ARHGAP6: variants seen among roughly 807,000 people sequenced by gnomAD.
ARHGAP6 encodes the protein rho GTPase-activating protein 6.
Under a neutral mutation model 55.7 loss-of-function variants are expected in ARHGAP6, and 16 were observed. That is an observed-to-expected ratio of 0.29 (90% CI 0.19 to 0.44). The LOEUF (loss-of-function observed/expected upper bound fraction) is 0.44, where lower values mean the gene tolerates loss of function less well. ARHGAP6 is among the 20% of genes least tolerant of loss of function. The pLI is 1.00. For missense variants in ARHGAP6, 698 were observed against 808.9 expected (o/e 0.86, Z 1.66); for synonymous variants, 382 against 360.9 (o/e 1.06, Z -0.66).
chrX:11,338,587 T>C (rs958332737), intron 1 of ARHGAP6, among the ~76,000 whole-genome samples: 3 of 111,664 alleles, frequency 2.7e-5, no homozygotes, highest in Non-Finnish European at 5.6e-5. Context: ...AATAATGAAG[T>C]CCCGAACTGA....
At chrX:11,154,056 A>G (rs1252188815) in intron 10 of ARHGAP6, among the ~76,000 whole-genome samples, 1 of 109,941 alleles carries the variant, frequency 9.1e-6, no homozygotes, top group Non-Finnish European at 1.9e-5. Context: ...GAGTGAGAAC[A>G]TGCGGTGTTT....
intron 1 of ARHGAP6, among the ~76,000 whole-genome samples, chrX:11,287,973 C>T (rs1404474144): frequency 8.9e-6 from 1 of 112,567 alleles, no homozygotes; most frequent in Non-Finnish European, 1.9e-5. Flanking sequence ...TGGGCCACTT[C>T]CATGCTGGTG....
At chrX:11,285,164 G>GTTTT (rs112532582) in intron 1 of ARHGAP6, among the ~76,000 whole-genome samples, 1 of 87,819 alleles carries the variant, frequency 1.1e-5, no homozygotes. Flanking sequence ...CACACAGATT[G>GTTTT]TTTTTTTTTT....
chrX:11,316,636 T>C (rs1306417912), intron 1 of ARHGAP6, among the ~76,000 whole-genome samples: 2 of 112,538 alleles, frequency 1.8e-5, no homozygotes, highest in Non-Finnish European at 3.7e-5. Context: ...AACCATGTTG[T>C]ACAATAGATC....
chrX:11,238,162 A>C (rs1295238692), intron 2 of ARHGAP6, among the ~76,000 whole-genome samples: 1 of 112,675 alleles, frequency 8.9e-6, no homozygotes, highest in African/African-American at 3.2e-5. Context: ...ACAATGCTCA[A>C]GTTATACTTT....
rs781622601 is a variant in ARHGAP6 at position 11,280,604 on chromosome X, G to C, written c.589-25897C>G. Among the ~76,000 whole-genome samples the C allele has an allele frequency of 7.3e-5, 8 of 109,779 alleles. No homozygotes were observed. In the East Asian group the frequency reaches 1.7e-3, roughly 24 times the overall value. ...TTAAAAGTCAAAATATTTAGGCCAG[G>C]CATGGTGGCTCACATCTGGAATCCC... is the stretch of plus-strand genomic sequence containing the variant. On this transcript the variant is annotated intron_variant, in intron 1 of 12. Transcript: ENST00000337414.
intron 1 of ARHGAP6, among the ~76,000 whole-genome samples, chrX:11,415,002 G>T (rs976151933): frequency 1.8e-5 from 2 of 111,543 alleles, no homozygotes; most frequent in Admixed American, 1.9e-4. Context: ...CTTCAAAACT[G>T]CTAAGACAAT....
At chrX:11,572,766 T>C (rs1305329355) in intron 1 of ARHGAP6, among the ~76,000 whole-genome samples, 1 of 111,927 alleles carries the variant, frequency 8.9e-6, no homozygotes, top group Non-Finnish European at 1.9e-5. Flanking sequence ...ATCGCCACAC[T>C]GACTTCCACA....
chrX:11,342,465 T>A (rs2048718991), intron 1 of ARHGAP6, among the ~76,000 whole-genome samples: 1 of 112,387 alleles, frequency 8.9e-6, no homozygotes, highest in Non-Finnish European at 1.9e-5. Context: ...TAAATGGGAC[T>A]GAAATATATA....
At chrX:11,462,860 T>C (rs1288345570) in intron 1 of ARHGAP6, among the ~76,000 whole-genome samples, 1 of 112,666 alleles carries the variant, frequency 8.9e-6, no homozygotes, top group African/African-American at 3.2e-5. Flanking sequence ...TTTGCTAGAC[T>C]GTCACAGGCG....
At chrX:11,389,812 T>C (rs1419850678) in intron 1 of ARHGAP6, among the ~76,000 whole-genome samples, 1 of 111,471 alleles carries the variant, frequency 9.0e-6, no homozygotes, top group Non-Finnish European at 1.9e-5. Flanking sequence ...AGAAATAATA[T>C]CACCCCCAAA....
chrX:11,481,427 G>A (rs1603227253), intron 1 of ARHGAP6, among the ~76,000 whole-genome samples: 2 of 112,969 alleles, frequency 1.8e-5, no homozygotes, highest in Middle Eastern at 9.2e-3. Flanking sequence ...TAGCAGCAAT[G>A]CTGAAAGTGC....
intron 1 of ARHGAP6, among the ~76,000 whole-genome samples, chrX:11,260,261 G>C (rs896519150): frequency 8.9e-6 from 1 of 111,784 alleles, no homozygotes; most frequent in African/African-American, 3.2e-5. Context: ...ACTTATGTAA[G>C]TTTGTGTTGT....
intron 1 of ARHGAP6, among the ~76,000 whole-genome samples, chrX:11,496,957 T>G (rs1348338042): frequency 8.9e-6 from 1 of 112,050 alleles, no homozygotes; most frequent in Non-Finnish European, 1.9e-5. Context: ...GCCCTACAAG[T>G]TGTGGTGACT....
intron 1 of ARHGAP6, among the ~76,000 whole-genome samples, chrX:11,331,130 T>G (rs2048558421): frequency 9.0e-6 from 1 of 111,540 alleles, no homozygotes; most frequent in South Asian, 3.8e-4. Flanking sequence ...CTAAAAATAT[T>G]CTACGTAAAA....
chrX:11,186,753 G>GA (rs1048643120), intron 4 of ARHGAP6, among the ~76,000 whole-genome samples: 5 of 111,331 alleles, frequency 4.5e-5, no homozygotes, highest in Admixed American at 2.9e-4. Flanking sequence ...CTTGAAACAA[G>GA]AAAAAAATTA....
rs192456339 is a variant in ARHGAP6 at position 11,478,450 on chromosome X, C to A, written c.588+185791G>T. Among the ~76,000 whole-genome samples, 82 of 111,882 alleles carry A rather than the reference C, an allele frequency of 7.3e-4. 1 individual carries two copies. Among genetic ancestry groups the A allele is most frequent in the Non-Finnish European group, 7.3e-4 (39 of 53,079 alleles). Reference sequence around the variant, plus strand: ...ACACATTAACTCATACAGTATTATTCCATTTATATGGATTTCAAAAACAGG... The same window carrying A: ...ACACATTAACTCATACAGTATTATTACATTTATATGGATTTCAAAAACAGG... On this transcript the variant is annotated intron_variant, in intron 1 of 12. Coordinates refer to ENST00000337414, the MANE Select transcript of ARHGAP6 (RefSeq NM_013427.3).
chrX:11,255,157 C>T (rs1453838592), intron 1 of ARHGAP6, among the ~76,000 whole-genome samples: 2 of 111,498 alleles, frequency 1.8e-5, no homozygotes, highest in East Asian at 2.8e-4. Flanking sequence ...AAATAAAAAT[C>T]GTACATATTC....
At chrX:11,342,216 T>A (rs1222172641) in intron 1 of ARHGAP6, among the ~76,000 whole-genome samples, 1 of 112,143 alleles carries the variant, frequency 8.9e-6, no homozygotes, top group Non-Finnish European at 1.9e-5. Flanking sequence ...TAGATTTTCT[T>A]AGCAGCTTAA....
Sources: gnomAD v4.1 joint callset for allele counts (sites outside exome capture counted in the v4.1 genomes callset) on GRCh38, gnomAD v4.1.1 for gene constraint, MANE v1.5 for transcripts, NCBI Gene and HGNC (gene_info 2026-07-23, HGNC 2026-07-21) for gene names.